EVC2: variants seen among roughly 807,000 people sequenced by gnomAD.
EVC2 encodes limbin.
In EVC2, 148 loss-of-function variants were observed where a neutral mutation model predicts 149.3. That is an observed-to-expected ratio of 0.99 (90% CI 0.87 to 1.14). The LOEUF is 1.14. Ranked by LOEUF, EVC2 falls within the 50% of genes most tolerant of loss-of-function variation. The pLI, the probability that EVC2 is intolerant of heterozygous loss-of-function variation, is 0.00. For synonymous variants in EVC2, 776 were observed against 649.9 expected (o/e 1.19, Z -2.95); for missense variants, 1,854 against 1,627.3 (o/e 1.14, Z -2.40).
intron 11 of EVC2, among the ~76,000 whole-genome samples, chr4:5,631,552 G>T (rs1307987246): frequency 1.4e-5 from 2 of 145,150 alleles, no homozygotes; most frequent in African/African-American, 2.5e-5. Context: ...ACTTGCTCAA[G>T]TTCACGCAGT....
chr4:5,556,137 C>G (rs1019217718), intron 21 of EVC2, among the ~76,000 whole-genome samples: 2 of 127,136 alleles, frequency 1.6e-5, no homozygotes, highest in Non-Finnish European at 3.1e-5. Flanking sequence ...CAAGATCGTG[C>G]CATTGCACTC....
rs1722907926 is a variant in EVC2 at position 5,576,137 on chromosome 4, G to A, written c.3272+103C>T. 6.3e-7 allele frequency: 1 copy of A among 1,588,720 alleles called. No individual in the cohort carries two copies. The highest frequency in any genetic ancestry group is 1.3e-5 in the African/African-American group (1 of 74,622). On this transcript the variant is annotated intron_variant, in intron 18 of 21. Transcript: ENST00000344408. This position sits in a 1 kb window ranked among gnomAD's most constrained non-coding sequence, Gnocchi z 4.5. The stretch of plus-strand genomic sequence containing the variant: ...AATGGGATGACACCTTAGGCAAGAG[G>A]GTGAGAGCCCAGGTGGGTATGGGTG...
At chr4:5,542,103 A>C (rs114278706), downstream of EVC2, among the ~76,000 whole-genome samples, 336 of 152,288 alleles carry the variant, frequency 2.2e-3, no homozygotes, top group African/African-American at 7.2e-3. Flanking sequence ...GAAGGTGGTC[A>C]TCTGCAACAT....
chr4:5,701,726 G>A (rs995340500), intron 1 of EVC2, among the ~76,000 whole-genome samples: 2 of 152,178 alleles, frequency 1.3e-5, no homozygotes, highest in East Asian at 1.9e-4. Context: ...GAGACATGTC[G>A]AACTCAACAG....
chr4:5,600,783 A>G (rs189098400), intron 16 of EVC2, among the ~76,000 whole-genome samples: 3 of 152,240 alleles, frequency 2.0e-5, no homozygotes, highest in Non-Finnish European at 4.4e-5. Context: ...AAGGATAAAC[A>G]TCTCATTAGG....
At chr4:5,604,737 T>A (rs1714249915) in intron 16 of EVC2, among the ~76,000 whole-genome samples, 1 of 151,670 alleles carries the variant, frequency 6.6e-6, no homozygotes, top group Non-Finnish European at 1.5e-5. Context: ...ATACATGGAG[T>A]GATAGATATC....
intron 16 of EVC2, among the ~76,000 whole-genome samples, chr4:5,610,461 C>A (rs998392459): frequency 1.3e-5 from 2 of 152,194 alleles, no homozygotes; most frequent in Non-Finnish European, 2.9e-5. Flanking sequence ...TGGAGAGCAA[C>A]AACTGGCCAG....
upstream of EVC2, chr4:5,708,821 C>A (rs1722391365): frequency 7.0e-6 from 2 of 286,966 alleles, no homozygotes; most frequent in Non-Finnish European, 1.3e-5. Context: ...CCCTCCGCTA[C>A]CGCCTACCTG....
chr4:5,708,212 TC>T, intron 1 of EVC2, 73 bp downstream of exon 1: 2 of 1,311,206 alleles, frequency 1.5e-6, no homozygotes, highest in Non-Finnish European at 2.0e-6. Context: ...CTAAGGGTCC[TC>T]CCTGCCACCG....
At chr4:5,540,657 G>A (rs900207873), downstream of EVC2, among the ~76,000 whole-genome samples, 2 of 152,176 alleles carry the variant, frequency 1.3e-5, no homozygotes, top group Admixed American at 6.5e-5. Flanking sequence ...GTGTGGGCAA[G>A]GGGGTGCCCT....
chr4:5,594,143 G>A (rs1299995759), intron 16 of EVC2, among the ~76,000 whole-genome samples: 3 of 152,144 alleles, frequency 2.0e-5, no homozygotes, highest in Non-Finnish European at 4.4e-5. Context: ...CTGGGGGCAG[G>A]GCACAGACAA....
chr4:5,667,608 C>T (rs1211612327), intron 7 of EVC2, among the ~76,000 whole-genome samples: 1 of 152,102 alleles, frequency 6.6e-6, no homozygotes, highest in Non-Finnish European at 1.5e-5. Flanking sequence ...AAAGCAAAGT[C>T]AGAAAAGGGA....
At position 5,613,956 on chromosome 4, in the gene EVC2, C is replaced by T. The variant is rs141278270; in HGVS notation, c.2829+1466G>A. 1.3e-3 allele frequency among the ~76,000 whole-genome samples: 196 copies of T among 152,114 alleles called. 1 individual carries two copies. The highest frequency in any genetic ancestry group is 4.3e-3 in the African/African-American group (179 of 41,492). The stretch of plus-strand genomic sequence containing the variant: ...TGCATTCGTGTTCTGAGAAATACAC[C>T]GGCACTAAAATAAAAACAAGCAAAA... On this transcript the variant is annotated intron_variant, in intron 16 of 21. Transcript: ENST00000344408. This position sits in a 1 kb window ranked among gnomAD's most constrained non-coding sequence, Gnocchi z 4.6.
chr4:5,571,463 A>T (rs551180885), intron 19 of EVC2, among the ~76,000 whole-genome samples: 1 of 151,958 alleles, frequency 6.6e-6, no homozygotes, highest in South Asian at 2.1e-4. Flanking sequence ...TAAAAAAAAA[A>T]TTAAAGAAAT....
intron 7 of EVC2, among the ~76,000 whole-genome samples, chr4:5,675,086 C>T (rs11728693): frequency 0.34 from 51,785 of 152,086 alleles, 9,610 homozygotes; most frequent in East Asian, 0.48. Context: ...GAAATTCTCA[C>T]ATCATAGATA....
Position 5,625,751 on chromosome 4 carries a change from T to C in EVC2, c.2044A>G (p.Lys682Glu). The change falls in exon 13 of 22, where the codon AAG becomes GAG. Residue 682 changes from lysine to glutamate, a missense_variant and splice_region_variant. Physicochemically the swap from Lys to Glu is moderately conservative, Grantham distance 56. Coordinates refer to ENST00000344408, the MANE Select transcript of EVC2 (RefSeq NM_147127.5). The surrounding 1 kb of genome is among the most constrained non-coding windows in gnomAD (Gnocchi z 4.0). The stretch of plus-strand genomic sequence containing the variant: ...AAATAGCATCATGCCTTATATACCT[T>C]TTGTAGCAACTCTCGTCTTCTCTTA... Reference protein sequence around the residue: ...ITKRRRELLQKHREQRREQAS... With the variant: ...ITKRRRELLQEHREQRREQAS... 6.2e-7 allele frequency: 1 copy of C among 1,614,138 alleles called. No individual in the cohort carries two copies. Among genetic ancestry groups the C allele is most frequent in the Non-Finnish European group, 8.5e-7 (1 of 1,180,034 alleles).
rs1350092724 is a variant in EVC2 at position 5,640,804 on chromosome 4, C to T, written c.1180G>A (p.Asp394Asn). Residue 394 changes from aspartate to asparagine, a missense_variant, in exon 10 of 22, where the codon GAT becomes AAT. By Grantham distance (23) the Asp-to-Asn change is conservative. Coordinates refer to ENST00000344408, the MANE Select transcript of EVC2 (RefSeq NM_147127.5). The surrounding 1 kb of genome is among the most constrained non-coding windows in gnomAD (Gnocchi z 4.6). ...ATTTGTGTTCGACAAGCCTCCAGAT[C>T]TGCATCTGCCCGATTCAGGGTTGCA... Reference protein sequence around the residue: ...EIATLNRADADLEACRTQISK... With the variant: ...EIATLNRADANLEACRTQISK... The T allele has an allele frequency of 6.2e-7, 1 of 1,614,206 alleles. No homozygotes were observed. The highest frequency in any genetic ancestry group is 8.5e-7 in the Non-Finnish European group (1 of 1,180,036).
intron 1 of EVC2, among the ~76,000 whole-genome samples, chr4:5,697,971 T>C (rs1577269470): frequency 6.6e-6 from 1 of 151,986 alleles, no homozygotes; most frequent in South Asian, 2.1e-4. Flanking sequence ...CAGGATGGTC[T>C]CCATCTCCTG....
chr4:5,669,672 T>C (rs1404312668), intron 7 of EVC2, among the ~76,000 whole-genome samples: 1 of 152,228 alleles, frequency 6.6e-6, no homozygotes, highest in Non-Finnish European at 1.5e-5. Flanking sequence ...AGTGGACAGG[T>C]GAGTCAGGCT....
Sources: allele counts gnomAD v4.1 joint callset (sites outside exome capture counted in the v4.1 genomes callset), GRCh38; gene constraint gnomAD v4.1.1; non-coding constraint Gnocchi (gnomAD v3.1); transcripts MANE v1.5; gene names NCBI Gene and HGNC (gene_info 2026-07-23, HGNC 2026-07-21).